The following MTHFD1L variants were observed in gnomAD, a reference collection of about 807,000 sequenced individuals.
MTHFD1L encodes methylenetetrahydrofolate dehydrogenase (NADP+ dependent) 1 like.
Under a neutral mutation model 119.5 loss-of-function variants are expected in MTHFD1L, and 81 were observed. The ratio of observed to expected loss-of-function variants is 0.68; its 90% CI spans 0.57 to 0.82. The LOEUF (loss-of-function observed/expected upper bound fraction) is 0.82, where lower values mean the gene tolerates loss of function less well. MTHFD1L is among the 40% of genes least tolerant of loss of function. The probability of loss-of-function intolerance (pLI) is 0.00; values close to 1 mark genes in which losing one functional copy is unlikely to be tolerated. For synonymous variants in MTHFD1L, 430 were observed against 475.2 expected (o/e 0.90, Z 1.24); for missense variants, 1,125 against 1,253.4 (o/e 0.90, Z 1.55).
intron 20 of MTHFD1L, among the ~76,000 whole-genome samples, chr6:150,983,106 G>A (rs945406256): frequency 2.0e-5 from 3 of 152,132 alleles, no homozygotes; most frequent in Non-Finnish European, 4.4e-5. Flanking sequence ...TTTGTGAATT[G>A]TCTATTTTGT....
rs749398298 is a variant in MTHFD1L, at chr6:150,887,916, C to G, written c.715C>G (p.Leu239Val). 6.8e-6 allele frequency: 11 copies of G among 1,611,148 alleles called. No homozygotes were observed. The East Asian group carries it at 2.5e-4, about 36-fold the overall frequency. Residue 239 changes from leucine (L) to valine (V), a missense_variant, in exon 7 of 28, where the codon CTG becomes GTG. Physicochemically the swap from Leu to Val is conservative, Grantham distance 32. This residue lies in a region of MTHFD1L where 1,058 missense variants were observed against 1,151.2 expected (regional missense o/e 0.92). Coordinates refer to ENST00000367321, the MANE Select transcript of MTHFD1L (RefSeq NM_015440.5). The part of the protein sequence containing the change: ...HGSLEAALQC[L>V]FQRKGSMTMS... The stretch of plus-strand genomic sequence containing the variant: ...GTCTTTGGAAGCTGCTCTACAATGC[C>G]TGTTCCAGAGAAAAGGGTCCATGAC...
At chr6:151,088,154 A>G (rs1169708682) in intron 26 of MTHFD1L, 1 of 152,212 alleles carries the variant, frequency 6.6e-6, no homozygotes, top group Non-Finnish European at 1.5e-5. Context: ...TCTTGCTAAC[A>G]TAATTCCACA....
chr6:151,060,122 G>A (rs1033439917), intron 26 of MTHFD1L, among the ~76,000 whole-genome samples: 1 of 152,172 alleles, frequency 6.6e-6, no homozygotes, highest in Middle Eastern at 3.2e-3. Context: ...GAATAGGGAC[G>A]CCAGAAGGTA....
chr6:150,963,423 C>G (rs1434479126), intron 18 of MTHFD1L, among the ~76,000 whole-genome samples: 3 of 152,160 alleles, frequency 2.0e-5, no homozygotes, highest in African/African-American at 7.2e-5. Context: ...TGTTAATTAA[C>G]TAGGTTTAAT....
intron 20 of MTHFD1L, among the ~76,000 whole-genome samples, chr6:150,977,395 A>G (rs549075790): frequency 7.2e-5 from 11 of 152,368 alleles, no homozygotes; most frequent in Non-Finnish European, 1.3e-4. Context: ...ATGAATTTGC[A>G]AAACACTTTA....
rs754750815 is a variant in MTHFD1L, at chr6:151,009,852, T to C, written c.2159T>C (p.Met720Thr). 4.3e-6 allele frequency: 7 copies of C among 1,613,906 alleles called. No homozygotes were observed. Among genetic ancestry groups the C allele is most frequent in the South Asian group, 2.2e-5 (2 of 91,000 alleles). Residue 720 changes from methionine (M) to threonine (T), a missense_variant, in exon 21 of 28, where the codon ATG becomes ACG. By Grantham distance (81) the Met-to-Thr change is moderately conservative (BLOSUM62 -1). Coordinates refer to ENST00000367321, the MANE Select transcript of MTHFD1L (RefSeq NM_015440.5). ...GCTGGCTTTGGTGCTGACATCGGAA[T>C]GGAGAAATTCTTCAACATCAAGTGC... The part of the protein sequence containing the change: ...TEAGFGADIG[M>T]EKFFNIKCRA...
At chr6:150,997,099 G>A (rs1169426841) in intron 20 of MTHFD1L, among the ~76,000 whole-genome samples, 4 of 152,108 alleles carry the variant, frequency 2.6e-5, no homozygotes, top group Admixed American at 1.3e-4. Context: ...TCTCCTGGGC[G>A]CTGTCCCAGC....
intron 20 of MTHFD1L, among the ~76,000 whole-genome samples, chr6:151,007,533 C>T (rs1420579045): frequency 6.6e-6 from 1 of 152,214 alleles, no homozygotes; most frequent in African/African-American, 2.4e-5. Context: ...TGCCGTCTCA[C>T]TTAACCCTTC....
intron 27 of MTHFD1L, among the ~76,000 whole-genome samples, chr6:151,098,951 G>A (rs572608197): frequency 3.2e-4 from 48 of 152,132 alleles, no homozygotes; most frequent in Admixed American, 2.6e-4. Flanking sequence ...CGAGGCAGGC[G>A]GATCACCTGA....
chr6:151,007,744 TAA>T (rs1194001802), intron 20 of MTHFD1L, among the ~76,000 whole-genome samples: 1 of 152,206 alleles, frequency 6.6e-6, no homozygotes, highest in Non-Finnish European at 1.5e-5. Flanking sequence ...CACCAACGGC[TAA>T]AGTTAACAAA....
Position 151,099,387 on chromosome 6 carries a change from T to C in MTHFD1L, c.*32-2139T>C, listed in dbSNP as rs73782715. On this transcript the variant is annotated intron_variant, in intron 27 of 27. Coordinates refer to ENST00000367321, the MANE Select transcript of MTHFD1L (RefSeq NM_015440.5). ...AGCACCCCTCCTGTCCCAAGAGTCA[T>C]TGACCCTCAGGTCAAGGGATACCAG... 9.0e-4 allele frequency: 580 copies of C among 644,366 alleles called. 2 individuals are homozygous for C. Among genetic ancestry groups the C allele is most frequent in the African/African-American group, 6.0e-3 (329 of 55,000 alleles). The allele number at this position is 644,366 out of a possible 1,614,324, so 39.9% of individuals were successfully genotyped here.
At chr6:151,003,459 A>G (rs1047073787) in intron 20 of MTHFD1L, among the ~76,000 whole-genome samples, 3 of 151,926 alleles carry the variant, frequency 2.0e-5, no homozygotes, top group Non-Finnish European at 4.4e-5. Flanking sequence ...TCGAACCTGG[A>G]GGGCGGAGGT....
chr6:150,915,984 C>T (rs551778255), intron 8 of MTHFD1L, among the ~76,000 whole-genome samples: 1 of 152,260 alleles, frequency 6.6e-6, no homozygotes, highest in African/African-American at 2.4e-5. Context: ...GTACAGATCT[C>T]TAGTGGTTAA....
intron 8 of MTHFD1L, among the ~76,000 whole-genome samples, chr6:150,908,095 G>A (rs958612910): frequency 6.8e-6 from 1 of 147,434 alleles, no homozygotes; most frequent in Non-Finnish European, 1.5e-5. Flanking sequence ...TTTAGTAGAA[G>A]TGTGGATGCA....
chr6:150,869,586 G>A lies in MTHFD1L; in HGVS notation c.227+3537G>A, dbSNP rs2128718957. Among the ~76,000 whole-genome samples the A allele has an allele frequency of 4.0e-5, 6 of 151,610 alleles. 1 individual carries two copies. The Middle Eastern group carries it at 0.017, about 439-fold the overall frequency. On this transcript the variant is annotated intron_variant, in intron 1 of 27. Coordinates refer to ENST00000367321, the MANE Select transcript of MTHFD1L (RefSeq NM_015440.5). ...TGGCCAGGCTGGTCTCAAACTCCTG[G>A]GTTCAAGTGATCCTGCTGCCTCAGC...
intron 26 of MTHFD1L, among the ~76,000 whole-genome samples, chr6:151,077,312 C>CAAACAAA (rs1584411022): frequency 2.0e-5 from 3 of 152,280 alleles, no homozygotes; most frequent in East Asian, 3.9e-4. Flanking sequence ...ACAAAACATG[C>CAAACAAA]AAATAATCTG....
At chr6:150,918,175 C>T (rs1318797617) in intron 8 of MTHFD1L, among the ~76,000 whole-genome samples, 2 of 150,920 alleles carry the variant, frequency 1.3e-5, no homozygotes, top group African/African-American at 2.4e-5. Context: ...AAGCGATTCT[C>T]CTGCCTCAGC....
chr6:150,948,938 C>T, intron 15 of MTHFD1L, 93 bp from the exon 16 acceptor site: 1 of 1,083,450 alleles, frequency 9.2e-7, no homozygotes, highest in Non-Finnish European at 1.3e-6. Context: ...CTTTACCAAT[C>T]ATGGAGAAAA....
intron 8 of MTHFD1L, among the ~76,000 whole-genome samples, chr6:150,917,863 TTCGCTATGAATTCTCTTGAGCTA>T (rs1245903465): frequency 6.6e-6 from 1 of 152,318 alleles, no homozygotes; most frequent in East Asian, 1.9e-4. Context: ...GTTTTAAATG[TTCGCTATGAATTCTCTTGAGCTA>T]TTATTTCTAT....
Sources: gnomAD v4.1 joint callset for allele counts (sites outside exome capture counted in the v4.1 genomes callset) on GRCh38, gnomAD v4.1.1 for gene constraint, gnomAD v4.1.1 regional missense constraint, MANE v1.5 for transcripts, NCBI Gene and HGNC (gene_info 2026-07-23, HGNC 2026-07-21) for gene names.